Variants in ACBD4 observed in about 807,000 individuals in gnomAD.
ACBD4 encodes acyl-CoA binding domain containing 4.
ACBD4 carries 41 observed loss-of-function variants against 46.0 expected under a neutral mutation model. The ratio of observed to expected loss-of-function variants is 0.89; its 90% CI spans 0.69 to 1.16. The LOEUF is 1.16. Ranked by LOEUF, ACBD4 falls within the 50% of genes most tolerant of loss-of-function variation. The pLI is 0.00. For missense variants in ACBD4, 393 were observed against 399.5 expected (o/e 0.98, Z 0.14); for synonymous variants, 162 against 155.9 (o/e 1.04, Z -0.29).
In ACBD4 at chr17:45,136,532, C is replaced by T; in HGVS notation, c.121C>T (p.Arg41Ter). ...SYRPSYEEML[R>*]FYSYYKQATM... The stretch of plus-strand genomic sequence containing the variant: ...CCGCCCCTCCTATGAAGAGATGCTG[C>T]GATTCTACAGTTACTACAAGCAGGC... Residue 41 changes from arginine (R) to a stop codon, truncating the protein, a stop_gained, in exon 3 of 10, where the codon CGA (arginine) becomes TGA (stop). Coordinates refer to ENST00000321854, the MANE Select transcript of ACBD4 (RefSeq NM_001135705.3). LOFTEE classifies it high-confidence loss of function. 2 of 1,613,742 alleles carry T rather than the reference C, an allele frequency of 1.2e-6. No individual in the cohort carries two copies. The highest frequency in any genetic ancestry group is 1.7e-6 in the Non-Finnish European group (2 of 1,179,882).
In ACBD4 at chr17:45,136,442, C is replaced by T; in HGVS notation, c.89-58C>T. ...CTTTCCAAGCAGGGTTCTCCCGCCC[C>T]TCCGCCCCTTGGAGCTGGGAGTGAT... On this transcript the variant is annotated intron_variant, in intron 2 of 9. Transcript: ENST00000321854. The T allele has an allele frequency of 5.1e-6, 8 of 1,573,298 alleles. No homozygotes were observed. In the South Asian group the frequency reaches 8.2e-5, roughly 16 times the overall value.
intron 8 of ACBD4, chr17:45,138,244 T>C (rs943174767): frequency 8.7e-6 from 5 of 575,018 alleles, no homozygotes; most frequent in Non-Finnish European, 1.6e-5. Context: ...GCCAGCGGGA[T>C]GGGAGTCCTA....
rs756417725 is a variant in ACBD4 at position 45,143,569 on chromosome 17, T to G, written c.916T>G (p.Ter306GlyextTer21). Reference protein sequence around the residue: ...LFRMFRTQKR* With the variant: ...LFRMFRTQKRG ...CCGAATGTTTCGGACCCAAAAGAGG[T>G]GACTGTCAGTGGAGGGGTCTCTGCA... Residue 306 changes from the stop codon to glycine, a stop_lost, in exon 10 of 10, where the codon TGA becomes GGA. Transcript: ENST00000321854. The G allele has an allele frequency of 1.2e-6, 2 of 1,613,840 alleles. No homozygotes were observed. Among genetic ancestry groups the G allele is most frequent in the South Asian group, 2.2e-5 (2 of 91,072 alleles).
intron 6 of ACBD4, 142 bp downstream of exon 6, chr17:45,137,596 T>G (rs192018813): frequency 1.5e-6 from 2 of 1,321,176 alleles, no homozygotes; most frequent in East Asian, 4.6e-5. Context: ...CTAGGATTCC[T>G]GTTCCAGGGC....
intron 9 of ACBD4, 78 bp downstream of exon 9, chr17:45,139,238 GT>G: frequency 1.3e-6 from 2 of 1,513,266 alleles, no homozygotes; most frequent in Non-Finnish European, 1.8e-6. Flanking sequence ...AGCCACTTTT[GT>G]TTTTGTCCTC....
At position 45,143,503 on chromosome 17, in the gene ACBD4, CTCT is replaced by C. The variant is rs1275415281; in HGVS notation, c.856_858del (p.Phe286del). ...CCTTGGGCTCCCGGGGCCCGCGCTG[CTCT>C]TCTTCCTCCTGTGGCCCTTCGTCGT... is the stretch of plus-strand genomic sequence containing the variant. On this transcript the variant is annotated inframe_deletion, in exon 10 of 10. Transcript: ENST00000321854. 9.9e-6 allele frequency: 16 copies of C among 1,613,766 alleles called. No individual in the cohort carries two copies. The highest frequency in any genetic ancestry group is 1.2e-5 in the Non-Finnish European group (14 of 1,179,986).
At position 45,143,455 on chromosome 17, in the gene ACBD4, A is replaced by G; in HGVS notation, c.802A>G (p.Arg268Gly). Residue 268 changes from arginine (R) to glycine (G), a missense_variant, in exon 10 of 10, where the codon AGG becomes GGG. Arg to Gly is a moderately radical substitution (Grantham distance 125, BLOSUM62 -2). Around this residue, in one of 3 missense-constraint regions of ACBD4, gnomAD observed 308 missense variants for 301.8 expected, o/e 1.02. Coordinates refer to ENST00000321854, the MANE Select transcript of ACBD4 (RefSeq NM_001135705.3). ...CTCTTGGCTGCAGAGGCCGCAGCCC[A>G]GGCCCAGTGCTCGGCCATGGCCCCT... ...PRPPEQRPQP[R>G]PSARPWPLGL... 6.2e-7 allele frequency: 1 copy of G among 1,610,800 alleles called. No individual in the cohort carries two copies. The highest frequency in any genetic ancestry group is 8.5e-7 in the Non-Finnish European group (1 of 1,179,552).
chr17:45,132,229 C>G (rs772339484), upstream of ACBD4: 2 of 1,262,802 alleles, frequency 1.6e-6, no homozygotes, highest in African/African-American at 3.1e-5. This position sits in a 1 kb window ranked among gnomAD's most constrained non-coding sequence, Gnocchi z 4.6. Flanking sequence ...CACCCCACCG[C>G]CCCTTGCCCG....
rs1304585133 is a variant in ACBD4 at position 45,143,763 on chromosome 17, C to G, written c.*192C>G. ...TGCAGCTTCACAGGGACGCTTCCTT[C>G]CCTCCCCGCAACCACCCCAGGCTCC... On this transcript the variant is annotated 3_prime_UTR_variant, in exon 10 of 10. Coordinates refer to ENST00000321854, the MANE Select transcript of ACBD4 (RefSeq NM_001135705.3). 2 of 944,422 alleles carry G rather than the reference C, an allele frequency of 2.1e-6. No individual in the cohort carries two copies. The highest frequency in any genetic ancestry group is 3.1e-6 in the Non-Finnish European group (2 of 642,750). 58.5% of individuals were successfully genotyped at this position (944,422 alleles called of 1,614,324 possible).
chr17:45,136,098 C>T lies in ACBD4; in HGVS notation c.-37-10C>T. ...TGGAGGCCCCCTCACACGAAGGCTG[C>T]TTCTTGCAGAGTCGCTCAAAAGTAG... is the stretch of plus-strand genomic sequence containing the variant. On this transcript the variant is annotated splice_polypyrimidine_tract_variant and intron_variant, in intron 1 of 9. Coordinates refer to ENST00000321854, the MANE Select transcript of ACBD4 (RefSeq NM_001135705.3). 3 of 1,601,230 alleles carry T rather than the reference C, an allele frequency of 1.9e-6. No individual in the cohort carries two copies. In the South Asian group the frequency reaches 3.3e-5, roughly 18 times the overall value.
upstream of ACBD4, chr17:45,133,408 G>A (rs972651690): frequency 3.9e-5 from 6 of 152,190 alleles, no homozygotes; most frequent in Non-Finnish European, 1.5e-5. Context: ...CTAGTGCTCA[G>A]GGCCTGATTT....
chr17:45,142,389 C>CAAAAAAAAAAAAAAAA (rs1161132274), intron 9 of ACBD4, among the ~76,000 whole-genome samples: 26 of 28,580 alleles, frequency 9.1e-4, no homozygotes, highest in African/African-American at 1.6e-3. Context: ...CAAGACTCCT[C>CAAAAAAAAAAAAAAAA]AAAAAAAAAA....
In ACBD4 at chr17:45,143,639, TAGA is replaced by T. The variant is rs1486689408; in HGVS notation, c.*73_*75del. 1.2e-6 allele frequency: 2 copies of T among 1,611,778 alleles called. No homozygotes were observed. The highest frequency in any genetic ancestry group is 1.7e-6 in the Non-Finnish European group (2 of 1,178,708). ...CTGTGCCCTGAGCCTTCCTAGGGTT[TAGA>T]AGAACAGCATTCAAAATTCCCCGTC... On this transcript the variant is annotated 3_prime_UTR_variant, in exon 10 of 10. Transcript: ENST00000321854.
At chr17:45,140,022 C>T (rs968025433) in intron 9 of ACBD4, among the ~76,000 whole-genome samples, 8 of 152,124 alleles carry the variant, frequency 5.3e-5, no homozygotes, top group African/African-American at 1.9e-4. Context: ...GGGCTGGGTT[C>T]CCAGATGTGA....
At chr17:45,137,647 T>C in intron 6 of ACBD4, 113 bp from the exon 7 acceptor site, 11 of 1,385,610 alleles carry the variant, frequency 7.9e-6, no homozygotes, top group Non-Finnish European at 1.1e-5. Flanking sequence ...TGTTGATATC[T>C]CTAGTGCCTC....
At chr17:45,141,490 C>T (rs2055271130) in intron 9 of ACBD4, among the ~76,000 whole-genome samples, 2 of 152,134 alleles carry the variant, frequency 1.3e-5, no homozygotes, top group South Asian at 4.1e-4. Flanking sequence ...GAGCTTGAGA[C>T]CAGTCTGGGT....
chr17:45,132,361 G>T, upstream of ACBD4: 1 of 1,227,226 alleles, frequency 8.1e-7, no homozygotes, highest in Non-Finnish European at 1.0e-6. This position sits in a 1 kb window ranked among gnomAD's most constrained non-coding sequence, Gnocchi z 4.6. Context: ...GGCGGCCACC[G>T]GGGGCTCCTC....
intron 9 of ACBD4, among the ~76,000 whole-genome samples, chr17:45,139,887 GTT>G (rs1198486935): frequency 6.6e-6 from 1 of 152,174 alleles, no homozygotes; most frequent in Admixed American, 6.5e-5. Flanking sequence ...TACTATTGCT[GTT>G]AATATTAACA....
rs370032719 is a variant in ACBD4, at chr17:45,138,030, C to T, written c.649+42C>T. 45 of 1,574,060 alleles carry T rather than the reference C, an allele frequency of 2.9e-5. 1 individual carries two copies. Among genetic ancestry groups the T allele is most frequent in the Middle Eastern group, 3.9e-4 (2 of 5,080 alleles). The stretch of plus-strand genomic sequence containing the variant: ...CCTCTCACCCACTTCTGCCCTTTCC[C>T]GTGGTCCTGGCACCCCAGGCTTTCT... On this transcript the variant is annotated intron_variant, in intron 8 of 9. Coordinates refer to ENST00000321854, the MANE Select transcript of ACBD4 (RefSeq NM_001135705.3).
Sources: allele counts gnomAD v4.1 joint callset (sites outside exome capture counted in the v4.1 genomes callset), GRCh38; gene constraint gnomAD v4.1.1; regional missense constraint gnomAD v4.1.1; non-coding constraint Gnocchi (gnomAD v3.1); transcripts MANE v1.5; gene names NCBI Gene and HGNC (gene_info 2026-07-23, HGNC 2026-07-21).